SLC30A6: variants seen among roughly 807,000 people sequenced by gnomAD.
The protein encoded by SLC30A6 is zinc transporter 6.
A neutral mutation model predicts 63.0 loss-of-function variants in SLC30A6; 55 were observed. The observed-to-expected ratio is 0.87, with a 90% CI of 0.70 to 1.09. The LOEUF is 1.09. Ranked by LOEUF, SLC30A6 falls within the 50% of genes least tolerant of loss-of-function variation. The pLI is 0.00. For synonymous variants in SLC30A6, 224 were observed against 186.1 expected (o/e 1.20, Z -1.66); for missense variants, 587 against 549.2 (o/e 1.07, Z -0.69).
intron 5 of SLC30A6, among the ~76,000 whole-genome samples, chr2:32,187,697 T>G (rs1453148497): frequency 6.6e-6 from 1 of 152,188 alleles, no homozygotes; most frequent in African/African-American, 2.4e-5. Flanking sequence ...GAAAAAATTC[T>G]TGGTTTCTTC....
chr2:32,165,913 C>T lies in SLC30A6; in HGVS notation c.3+10C>T, dbSNP rs1680596086. On this transcript the variant is annotated intron_variant, in intron 1 of 13. Coordinates refer to ENST00000282587, the MANE Select transcript of SLC30A6 (RefSeq NM_017964.5). The stretch of plus-strand genomic sequence containing the variant: ...GCAGCTCCTTATCATGGTGAGTTGG[C>T]TGTTGGGGTGAGGGTTTCGGCTGTA... 3 of 1,614,168 alleles carry T rather than the reference C, an allele frequency of 1.9e-6. No homozygotes were observed. Among genetic ancestry groups the T allele is most frequent in the Non-Finnish European group, 2.5e-6 (3 of 1,179,996 alleles).
Position 32,165,868 on chromosome 2 carries a change from C to A in SLC30A6, c.-33C>A. On this transcript the variant is annotated 5_prime_UTR_variant, in exon 1 of 14. Transcript: ENST00000282587. ...TCTGGGAAAACTCGAGCACCCAGAA[C>A]GGCTTCCGGCGGGAGCTGTGCAGCT... The A allele has an allele frequency of 1.2e-6, 2 of 1,613,780 alleles. No homozygotes were observed. The highest frequency in any genetic ancestry group is 2.2e-5 in the East Asian group (1 of 44,858).
chr2:32,192,431 G>C lies in SLC30A6; in HGVS notation c.365+15G>C, dbSNP rs1683413542. 6.2e-7 allele frequency: 1 copy of C among 1,605,240 alleles called. No individual in the cohort carries two copies. ...TTAAAAGAAAGGTACATTTGTATAG[G>C]ATATTATTCTAAATCCCCCCATGAC... On this transcript the variant is annotated intron_variant, in intron 6 of 13. Transcript: ENST00000282587.
At chr2:32,174,653 A>T (rs1461888909) in intron 3 of SLC30A6, among the ~76,000 whole-genome samples, 1 of 139,096 alleles carries the variant, frequency 7.2e-6, no homozygotes, top group Non-Finnish European at 1.5e-5. Context: ...TCCCTGGTTC[A>T]AGCGATTCTC....
chr2:32,217,589 C>T (rs1685816585), intron 13 of SLC30A6, among the ~76,000 whole-genome samples: 1 of 151,996 alleles, frequency 6.6e-6, no homozygotes, highest in Admixed American at 6.6e-5. Flanking sequence ...TTTTTTTCTA[C>T]TTCTATGAAA....
chr2:32,176,982 A>G (rs1416355443), intron 4 of SLC30A6, among the ~76,000 whole-genome samples: 1 of 151,882 alleles, frequency 6.6e-6, no homozygotes, highest in Non-Finnish European at 1.5e-5. Context: ...CATGTTGGCC[A>G]GGCTGGTCTC....
In SLC30A6 at chr2:32,222,648, A is replaced by G. The variant is rs768499027; in HGVS notation, c.*1935A>G. The G allele has an allele frequency of 2.6e-5, 4 of 152,266 alleles. No homozygotes were observed. Among genetic ancestry groups the G allele is most frequent in the Non-Finnish European group, 5.9e-5 (4 of 68,028 alleles). 9.4% of individuals were successfully genotyped at this position (152,266 alleles called of 1,614,324 possible). A position where few individuals can be genotyped will look rare whatever the true frequency, so the allele number is the denominator to read the frequency against. ...CTGCTAAAGAAATACAGCCTACACT[A>G]CCTTGACTACTGGGGAAAATGATAC... On this transcript the variant is annotated 3_prime_UTR_variant, in exon 14 of 14. Coordinates refer to ENST00000282587, the MANE Select transcript of SLC30A6 (RefSeq NM_017964.5).
intron 4 of SLC30A6, among the ~76,000 whole-genome samples, chr2:32,183,507 C>G (rs1021996662): frequency 6.6e-6 from 1 of 151,390 alleles, no homozygotes; most frequent in African/African-American, 2.4e-5. Context: ...CATGACGAAA[C>G]CTCGTCTCTA....
intron 10 of SLC30A6, chr2:32,201,997 C>G (rs1684330437): frequency 2.0e-5 from 25 of 1,264,980 alleles, no homozygotes; most frequent in Non-Finnish European, 2.7e-5. Context: ...AAGAAAAGAT[C>G]TACTGAATGA....
In SLC30A6 at chr2:32,174,066, T is replaced by C; in HGVS notation, c.94T>C (p.Trp32Arg). The change falls in exon 3 of 14, where the codon TGG (tryptophan) becomes CGG (arginine). Residue 32 changes from tryptophan to arginine, a missense_variant. By Grantham distance (101) the Trp-to-Arg change is moderately radical (BLOSUM62 -3). Coordinates refer to ENST00000282587, the MANE Select transcript of SLC30A6 (RefSeq NM_017964.5). ...FRLVAADRRS[W>R]KILLFGVINL... ...AGAGTGATTTTTATTTTCACAGTCC[T>C]GGAAGATACTGCTCTTTGGTGTAAT... 2 of 1,612,906 alleles carry C rather than the reference T, an allele frequency of 1.2e-6. No homozygotes were observed. The highest frequency in any genetic ancestry group is 1.7e-6 in the Non-Finnish European group (2 of 1,179,346).
At chr2:32,203,154 T>C (rs549810210) in intron 10 of SLC30A6, 147 of 1,259,482 alleles carry the variant, frequency 1.2e-4, no homozygotes, top group Non-Finnish European at 1.7e-4. Context: ...TGCCTGTGGT[T>C]TGGACATTCC....
At position 32,171,365 on chromosome 2, in the gene SLC30A6, G is replaced by T; in HGVS notation, c.82G>T (p.Asp28Tyr). The T allele has an allele frequency of 6.2e-7, 1 of 1,613,356 alleles. No homozygotes were observed. Among genetic ancestry groups the T allele is most frequent in the South Asian group, 1.1e-5 (1 of 91,012 alleles). Residue 28 changes from aspartate (D) to tyrosine (Y), a missense_variant, in exon 2 of 14, where the codon GAC (aspartate) becomes TAC (tyrosine). Physicochemically the swap from Asp to Tyr is radical, Grantham distance 160. Coordinates refer to ENST00000282587, the MANE Select transcript of SLC30A6 (RefSeq NM_017964.5). ...ACGGGAATTTAGACTTGTAGCAGCT[G>T]ACCGAAGGGTAAGTTATTCCTTAAC... ...LLREFRLVAA[D>Y]RRSWKILLFG... is the part of the protein sequence containing the mutation.
intron 13 of SLC30A6, among the ~76,000 whole-genome samples, chr2:32,219,586 C>T (rs1314210879): frequency 4.0e-5 from 6 of 151,810 alleles, no homozygotes; most frequent in Non-Finnish European, 8.8e-5. Flanking sequence ...AGGCACACGC[C>T]ACTATGCCTG....
At chr2:32,201,977 A>G (rs369721160) in intron 10 of SLC30A6, 43 of 1,376,696 alleles carry the variant, frequency 3.1e-5, no homozygotes, top group Admixed American at 4.4e-5. Flanking sequence ...TCTAAATCTC[A>G]TAAGTCAAGA....
intron 4 of SLC30A6, among the ~76,000 whole-genome samples, chr2:32,179,627 C>T (rs1015244671): frequency 6.6e-6 from 1 of 152,010 alleles, no homozygotes; most frequent in African/African-American, 2.4e-5. Flanking sequence ...TAGCCTTAGA[C>T]AATAAAATCA....
intron 6 of SLC30A6, among the ~76,000 whole-genome samples, 185 bp from the exon 7 acceptor site, chr2:32,192,733 T>A (rs954434307): frequency 2.0e-5 from 3 of 152,118 alleles, no homozygotes; most frequent in Non-Finnish European, 4.4e-5. Context: ...TAAGGATAAT[T>A]TGTGAAAAAA....
intron 13 of SLC30A6, among the ~76,000 whole-genome samples, chr2:32,218,525 G>C (rs1326674697): frequency 1.4e-4 from 2 of 14,078 alleles, no homozygotes; most frequent in Non-Finnish European, 3.1e-4. Flanking sequence ...CTCCTCTTTT[G>C]TTTTGTTTTG....
At chr2:32,187,213 A>G (rs1057244107) in intron 5 of SLC30A6, 8 of 470,922 alleles carry the variant, frequency 1.7e-5, no homozygotes, top group African/African-American at 1.6e-4. Context: ...CCAATCCGAA[A>G]TGATGCTCCT....
intron 10 of SLC30A6, among the ~76,000 whole-genome samples, chr2:32,199,387 G>A (rs528625986): frequency 1.2e-4 from 18 of 152,258 alleles, no homozygotes; most frequent in African/African-American, 4.3e-4. Flanking sequence ...CATGTGATAT[G>A]ATAATTCTGT....
Sources: gnomAD v4.1 joint callset for allele counts (sites outside exome capture counted in the v4.1 genomes callset) on GRCh38, gnomAD v4.1.1 for gene constraint, MANE v1.5 for transcripts, NCBI Gene and HGNC (gene_info 2026-07-23, HGNC 2026-07-21) for gene names.